Variants in PDE4B observed in about 807,000 individuals in gnomAD.
PDE4B encodes the protein 3',5'-cyclic-AMP phosphodiesterase 4B.
In PDE4B, 20 loss-of-function variants were observed where a neutral mutation model predicts 82.2. The observed-to-expected ratio is 0.24, with a 90% CI of 0.17 to 0.35. PDE4B has a LOEUF of 0.35. Among genes scored for constraint, PDE4B ranks in the 10% least tolerant of loss-of-function variants. The pLI is 1.00. For synonymous variants in PDE4B, 320 were observed against 318.9 expected (o/e 1.00, Z -0.04); for missense variants, 655 against 907.2 (o/e 0.72, Z 3.57).
At chr1:65,824,469 C>A (rs960691927) in intron 1 of PDE4B, among the ~76,000 whole-genome samples, 1 of 151,804 alleles carries the variant, frequency 6.6e-6, no homozygotes, top group African/African-American at 2.4e-5. Flanking sequence ...GGCAATACTA[C>A]TTTTCATAAA....
chr1:66,065,107 A>G (rs184260085), intron 3 of PDE4B, among the ~76,000 whole-genome samples: 3 of 152,060 alleles, frequency 2.0e-5, no homozygotes, highest in Non-Finnish European at 4.4e-5. Context: ...ATTTGCTTAG[A>G]GGTAGATTTA....
rs192200992 is a variant in PDE4B, at chr1:66,102,765, T to C, written c.282-144695T>C. 2.5e-3 allele frequency among the ~76,000 whole-genome samples: 379 copies of C among 152,198 alleles called. 1 individual carries two copies. The highest frequency in any genetic ancestry group is 6.8e-3 in the Middle Eastern group (2 of 294). On this transcript the variant is annotated intron_variant, in intron 3 of 16. Transcript: ENST00000341517. The stretch of plus-strand genomic sequence containing the variant: ...GTTGAAAAGACTGAGACTCACTTTC[T>C]TGAGTCAGTACAGGACTTTATCAAT...
chr1:66,312,162 T>C (rs1027785036), intron 7 of PDE4B, among the ~76,000 whole-genome samples: 1 of 152,248 alleles, frequency 6.6e-6, no homozygotes, highest in Admixed American at 6.5e-5. Flanking sequence ...TCTTTTCATC[T>C]AAATGAGAGC....
At chr1:65,835,273 T>G (rs1205670478) in intron 1 of PDE4B, among the ~76,000 whole-genome samples, 1 of 152,152 alleles carries the variant, frequency 6.6e-6, no homozygotes, top group East Asian at 1.9e-4. Flanking sequence ...AGTTTGTGTA[T>G]AGAAATCATC....
chr1:65,942,962 TC>T (rs1174433493), intron 3 of PDE4B, among the ~76,000 whole-genome samples: 1 of 151,994 alleles, frequency 6.6e-6, no homozygotes, highest in Non-Finnish European at 1.5e-5. Flanking sequence ...TTGTAGGTTG[TC>T]TCTTTACTCT....
chr1:65,794,927 T>G (rs1259365328), intron 1 of PDE4B, among the ~76,000 whole-genome samples: 1 of 152,230 alleles, frequency 6.6e-6, no homozygotes, highest in East Asian at 1.9e-4. Flanking sequence ...AGTTTCTTTA[T>G]GGCTTGACAT....
intron 16 of PDE4B, among the ~76,000 whole-genome samples, chr1:66,370,152 A>G (rs934680099): frequency 6.1e-4 from 70 of 115,246 alleles, no homozygotes; most frequent in Admixed American, 5.3e-3. Context: ...CTCTATCTCA[A>G]AAAAAAAAAA....
chr1:66,023,076 A>G (rs1653230915), intron 3 of PDE4B, among the ~76,000 whole-genome samples: 1 of 152,064 alleles, frequency 6.6e-6, no homozygotes, highest in Non-Finnish European at 1.5e-5. Flanking sequence ...AATGGTGACA[A>G]TCTGTTGGTA....
At chr1:66,324,646 T>C (rs1358036487) in intron 7 of PDE4B, among the ~76,000 whole-genome samples, 1 of 152,190 alleles carries the variant, frequency 6.6e-6, no homozygotes, top group Non-Finnish European at 1.5e-5. Context: ...TTATTTCCCT[T>C]AAGGGCAGTG....
chr1:65,981,133 A>G (rs959289944), intron 3 of PDE4B, among the ~76,000 whole-genome samples: 4 of 152,150 alleles, frequency 2.6e-5, no homozygotes, highest in Non-Finnish European at 4.4e-5. Flanking sequence ...TGGAAATAGA[A>G]TCCTGAGATG....
chr1:66,252,233 A>G (rs145846219), intron 4 of PDE4B, among the ~76,000 whole-genome samples: 6 of 152,352 alleles, frequency 3.9e-5, no homozygotes, highest in Non-Finnish European at 8.8e-5. Flanking sequence ...AATAATGTAC[A>G]TGAAAGTGCT....
chr1:66,231,325 G>A (rs17128589), intron 3 of PDE4B, among the ~76,000 whole-genome samples: 1,756 of 152,292 alleles, frequency 0.012, 74 homozygotes, highest in Admixed American at 0.078. Context: ...ATGTGAGTCA[G>A]CAACACTGTG....
At chr1:66,176,432 T>G (rs1360875403) in intron 3 of PDE4B, among the ~76,000 whole-genome samples, 3 of 152,240 alleles carry the variant, frequency 2.0e-5, no homozygotes, top group Non-Finnish European at 2.9e-5. Context: ...ATTAGTCAGA[T>G]AGCTAAGACT....
intron 3 of PDE4B, among the ~76,000 whole-genome samples, chr1:66,095,411 T>A (rs1469889716): frequency 6.6e-6 from 1 of 151,870 alleles, no homozygotes; most frequent in Non-Finnish European, 1.5e-5. Flanking sequence ...TTACTGTAAT[T>A]CTGGAGAGGA....
intron 6 of PDE4B, among the ~76,000 whole-genome samples, chr1:66,259,932 C>T (rs1654556371): frequency 6.6e-6 from 1 of 152,052 alleles, no homozygotes; most frequent in Admixed American, 6.6e-5. Flanking sequence ...AAGCTAATTA[C>T]TCTCTCTATA....
At chr1:66,091,685 C>T (rs1645029212) in intron 3 of PDE4B, among the ~76,000 whole-genome samples, 1 of 151,900 alleles carries the variant, frequency 6.6e-6, no homozygotes, top group Non-Finnish European at 1.5e-5. Flanking sequence ...GTTGTAGTTG[C>T]TCAAGAGTAG....
In PDE4B at chr1:65,854,619, G is replaced by T. The variant is rs527640312; in HGVS notation, c.-70-58626G>T. Among the ~76,000 whole-genome samples the T allele has an allele frequency of 1.6e-4, 24 of 151,644 alleles. No individual in the cohort carries two copies. The East Asian group carries it at 4.5e-3, about 28-fold the overall frequency. The stretch of plus-strand genomic sequence containing the variant: ...AAGTAATGTATCTTATTTTTCTCTG[G>T]ATGCTTTTAAGTATTTATATTTATC... On this transcript the variant is annotated intron_variant, in intron 1 of 16. Transcript: ENST00000341517.
intron 3 of PDE4B, among the ~76,000 whole-genome samples, chr1:65,931,016 T>C (rs1372662741): frequency 6.6e-6 from 1 of 152,192 alleles, no homozygotes; most frequent in Non-Finnish European, 1.5e-5. Context: ...GATTGGATCA[T>C]GGGGGCACTT....
intron 3 of PDE4B, among the ~76,000 whole-genome samples, chr1:66,088,771 T>C (rs1425995128): frequency 1.3e-5 from 2 of 152,096 alleles, no homozygotes; most frequent in African/African-American, 2.4e-5. Context: ...TCCCTCCTCT[T>C]CCCCCATCTC....
Sources: gnomAD v4.1 joint callset for allele counts (sites outside exome capture counted in the v4.1 genomes callset) on GRCh38, gnomAD v4.1.1 for gene constraint, MANE v1.5 for transcripts, NCBI Gene and HGNC (gene_info 2026-07-23, HGNC 2026-07-21) for gene names.